The following VRK1 variants were observed in gnomAD, a reference collection of about 807,000 sequenced individuals.
The protein encoded by VRK1 is VRK serine/threonine kinase 1.
In VRK1, 33 loss-of-function variants were observed where a neutral mutation model predicts 57.1. The ratio of observed to expected loss-of-function variants is 0.58; its 90% CI spans 0.44 to 0.77. The LOEUF (loss-of-function observed/expected upper bound fraction) is 0.77. Ranked by LOEUF, VRK1 falls within the 30% of genes least tolerant of loss-of-function variation. The probability of loss-of-function intolerance (pLI) is 0.00; values close to 1 mark genes in which losing one functional copy is unlikely to be tolerated. For synonymous variants in VRK1, 137 were observed against 147.8 expected (o/e 0.93, Z 0.53); for missense variants, 413 against 477.3 (o/e 0.87, Z 1.25).
chr14:96,839,078 T>C (rs1887344040), intron 3 of VRK1, among the ~76,000 whole-genome samples: 1 of 149,248 alleles, frequency 6.7e-6, no homozygotes, highest in Non-Finnish European at 1.5e-5. Context: ...CAACCACTTG[T>C]CTTGAGTTTT....
intron 11 of VRK1, among the ~76,000 whole-genome samples, chr14:96,863,659 C>G (rs917892117): frequency 2.6e-5 from 4 of 152,110 alleles, no homozygotes; most frequent in African/African-American, 9.7e-5. Flanking sequence ...TATTGTTGCT[C>G]CCTATGAATG....
At chr14:96,848,273 A>G (rs553964516) in intron 5 of VRK1, among the ~76,000 whole-genome samples, 49 of 152,244 alleles carry the variant, frequency 3.2e-4, no homozygotes, top group Non-Finnish European at 5.9e-4. Context: ...AATGGTATCT[A>G]TCGTGTGTTG....
At chr14:96,856,444 A>C in intron 9 of VRK1, 84 bp from the exon 10 acceptor site, 2 of 1,367,490 alleles carry the variant, frequency 1.5e-6, no homozygotes, top group Non-Finnish European at 2.1e-6. Context: ...ATGTAGCACA[A>C]TATAGCTTAA....
In VRK1 at chr14:96,856,544, G is replaced by T. The variant is rs769755192; in HGVS notation, c.847G>T (p.Ala283Ser). The change falls in exon 10 of 13, where the codon GCA becomes TCA. Residue 283 changes from alanine to serine, a missense_variant. This residue lies in a region of VRK1 where 146 missense variants were observed against 138.2 expected (regional missense o/e 1.06). Coordinates refer to ENST00000216639, the MANE Select transcript of VRK1 (RefSeq NM_003384.3). ...DSKIRYRENI[A>S]SLMDKCFPEK... ...TTTTAACAGATACAGAGAAAATATT[G>T]CAAGTTTGATGGACAAATGTTTTCC... is the stretch of plus-strand genomic sequence containing the variant. The T allele has an allele frequency of 6.2e-7, 1 of 1,613,558 alleles. No homozygotes were observed. The highest frequency in any genetic ancestry group is 2.2e-5 in the East Asian group (1 of 44,822).
chr14:96,846,136 C>G lies in VRK1; in HGVS notation c.258C>G (p.Phe86Leu). 6.2e-7 allele frequency: 1 copy of G among 1,613,424 alleles called. No homozygotes were observed. The highest frequency in any genetic ancestry group is 1.1e-5 in the South Asian group (1 of 91,070). ...DNGPLFTELK[F>L]YQRAAKPEQI... is the part of the protein sequence containing the mutation. Reference sequence around the variant, plus strand: ...GACCTCTTTTTACTGAATTAAAGTTCTACCAACGAGCTGCAAAACCAGAGC... The same window carrying G: ...GACCTCTTTTTACTGAATTAAAGTTGTACCAACGAGCTGCAAAACCAGAGC... The change falls in exon 4 of 13, where the codon TTC (phenylalanine) becomes TTG (leucine). Residue 86 changes from phenylalanine to leucine, a missense_variant. Coordinates refer to ENST00000216639, the MANE Select transcript of VRK1 (RefSeq NM_003384.3).
At chr14:96,817,638 T>C (rs903918447) in intron 1 of VRK1, among the ~76,000 whole-genome samples, 2 of 152,212 alleles carry the variant, frequency 1.3e-5, no homozygotes, top group African/African-American at 4.8e-5. Flanking sequence ...GTTCAGTAGC[T>C]GTTCTATCAG....
chr14:96,802,109 A>G (rs1306285536), intron 1 of VRK1, among the ~76,000 whole-genome samples: 2 of 152,218 alleles, frequency 1.3e-5, no homozygotes, highest in Non-Finnish European at 2.9e-5. Flanking sequence ...GACTTGCAGA[A>G]AATACTTTAG....
At chr14:96,826,877 T>C (rs12101203) in intron 1 of VRK1, among the ~76,000 whole-genome samples, 52,492 of 152,028 alleles carry the variant, frequency 0.35, 9,426 homozygotes, top group South Asian at 0.43. Flanking sequence ...GAAACAGTGA[T>C]TTCATATTCT....
chr14:96,809,212 G>C (rs1167829971), intron 1 of VRK1, among the ~76,000 whole-genome samples: 1 of 152,180 alleles, frequency 6.6e-6, no homozygotes, highest in Non-Finnish European at 1.5e-5. Flanking sequence ...CTTATCTTCA[G>C]AAGTCATATA....
At chr14:96,859,808 G>A (rs1003643445) in intron 10 of VRK1, among the ~76,000 whole-genome samples, 16 of 152,098 alleles carry the variant, frequency 1.1e-4, no homozygotes, top group Admixed American at 3.9e-4. Flanking sequence ...TCAAGTTTTA[G>A]GGATAGGTCA....
At chr14:96,860,325 C>T (rs1888335470) in intron 10 of VRK1, among the ~76,000 whole-genome samples, 1 of 151,706 alleles carries the variant, frequency 6.6e-6, no homozygotes. Context: ...TCTTGTTTCT[C>T]ACAATTACAA....
chr14:96,862,970 T>C (rs561090462), intron 11 of VRK1, among the ~76,000 whole-genome samples: 59 of 152,318 alleles, frequency 3.9e-4, no homozygotes, highest in African/African-American at 1.4e-3. Flanking sequence ...TAAGAAATAT[T>C]CTTTTTGGTA....
chr14:96,839,781 C>A (rs773554799), intron 3 of VRK1, among the ~76,000 whole-genome samples: 3 of 151,984 alleles, frequency 2.0e-5, no homozygotes, highest in African/African-American at 7.2e-5. Context: ...TTTTCAGATA[C>A]GTGTTTTAAA....
intron 11 of VRK1, among the ~76,000 whole-genome samples, chr14:96,864,981 A>G (rs998179766): frequency 2.0e-5 from 3 of 150,874 alleles, no homozygotes; most frequent in Non-Finnish European, 4.4e-5. Flanking sequence ...AATACTTTGT[A>G]TGTAAACAAT....
intron 11 of VRK1, among the ~76,000 whole-genome samples, chr14:96,869,916 G>A (rs1888748168): frequency 6.6e-6 from 1 of 152,110 alleles, no homozygotes; most frequent in Non-Finnish European, 1.5e-5. Flanking sequence ...GTGTTGCCTT[G>A]AGATTAGTTA....
intron 7 of VRK1, among the ~76,000 whole-genome samples, chr14:96,854,963 ACTTAT>A (rs1221116412): frequency 2.0e-5 from 3 of 152,158 alleles, no homozygotes; most frequent in African/African-American, 4.8e-5. Context: ...TATAACATAT[ACTTAT>A]CTTAAAAAAG....
intron 11 of VRK1, among the ~76,000 whole-genome samples, chr14:96,872,850 T>A (rs74076171): frequency 0.014 from 2,107 of 152,296 alleles, 54 homozygotes; most frequent in African/African-American, 0.048. Flanking sequence ...TTTCAGCCAC[T>A]TTTAGGGAAT....
chr14:96,858,015 T>C (rs1888235216), intron 10 of VRK1, among the ~76,000 whole-genome samples: 1 of 152,220 alleles, frequency 6.6e-6, no homozygotes, highest in African/African-American at 2.4e-5. Context: ...TTCTTTCACT[T>C]AGTAATGTAT....
At chr14:96,805,554 C>T (rs1424394010) in intron 1 of VRK1, among the ~76,000 whole-genome samples, 1 of 152,024 alleles carries the variant, frequency 6.6e-6, no homozygotes, top group African/African-American at 2.4e-5. Flanking sequence ...TCTTTGGTTT[C>T]TGCTTTCTTT....
Sources: gnomAD v4.1 joint callset for allele counts (sites outside exome capture counted in the v4.1 genomes callset) on GRCh38, gnomAD v4.1.1 for gene constraint, gnomAD v4.1.1 regional missense constraint, MANE v1.5 for transcripts, NCBI Gene and HGNC (gene_info 2026-07-23, HGNC 2026-07-21) for gene names.